Variants in SLC4A10 observed in about 807,000 individuals in gnomAD.
The protein encoded by SLC4A10 is solute carrier family 4 member 10.
In SLC4A10, 42 loss-of-function variants were observed where a neutral mutation model predicts 137.7. The observed-to-expected ratio is 0.30, with a 90% CI of 0.24 to 0.39. SLC4A10 has a LOEUF of 0.39. Among genes scored for constraint, SLC4A10 ranks in the 10% least tolerant of loss-of-function variants. The pLI is 1.00. For synonymous variants in SLC4A10, 474 were observed against 464.1 expected, an observed-to-expected ratio of 1.02 and a Z score of -0.27; for missense variants, 925 against 1,355.0, an observed-to-expected ratio of 0.68 and a Z score of 4.98.
At chr2:161,930,904 T>TTTTTGTTTTG (rs370252753) in intron 15 of SLC4A10, among the ~76,000 whole-genome samples, 31,133 of 147,870 alleles carry the variant, frequency 0.21, 3,588 homozygotes, top group Admixed American at 0.31. Context: ...CTGCCACATG[T>TTTTTGTTTTG]TTTTGTTTTG....
intron 1 of SLC4A10, among the ~76,000 whole-genome samples, chr2:161,669,994 G>A (rs571034631): frequency 6.6e-6 from 1 of 152,218 alleles, no homozygotes; most frequent in South Asian, 2.1e-4. Context: ...ATTGCCTACT[G>A]TCTGTGTGTG....
At chr2:161,660,576 C>A (rs374591982) in intron 1 of SLC4A10, among the ~76,000 whole-genome samples, 1 of 127,056 alleles carries the variant, frequency 7.9e-6, no homozygotes, top group Non-Finnish European at 1.8e-5. Flanking sequence ...TTCTTTCTTT[C>A]TTTCTTTCTT....
chr2:161,896,037 A>G (rs1203072929), intron 11 of SLC4A10, among the ~76,000 whole-genome samples: 1 of 151,868 alleles, frequency 6.6e-6, no homozygotes, highest in African/African-American at 2.4e-5. Flanking sequence ...TAGGGTTTTT[A>G]TGGTTTTAGG....
chr2:161,964,438 A>C lies in SLC4A10; in HGVS notation c.3036+130A>C, dbSNP rs1697239477. Reference sequence around the variant, plus strand: ...ATTATTGGAAAATATAAGTTTTGGCACTGAAAGTGTGACTAAGATAGGGTT... The same window carrying C: ...ATTATTGGAAAATATAAGTTTTGGCCCTGAAAGTGTGACTAAGATAGGGTT... On this transcript the variant is annotated intron_variant, in intron 22 of 26. Coordinates refer to ENST00000446997, the MANE Select transcript of SLC4A10 (RefSeq NM_001178015.2). The C allele has an allele frequency of 2.2e-5, 22 of 1,004,546 alleles. No homozygotes were observed. The South Asian group carries it at 3.1e-4, about 14-fold the overall frequency. The allele number at this position is 1,004,546 out of a possible 1,614,324, so 62.2% of individuals were successfully genotyped here. A position where few individuals can be genotyped will look rare whatever the true frequency, so the allele number is the denominator to read the frequency against.
chr2:161,937,997 G>C (rs1044971322), intron 15 of SLC4A10, among the ~76,000 whole-genome samples: 1 of 152,156 alleles, frequency 6.6e-6, no homozygotes, highest in Non-Finnish European at 1.5e-5. Flanking sequence ...ATCAGGCCAG[G>C]TACGGTGGCT....
At chr2:161,742,728 T>C (rs1276506817) in intron 1 of SLC4A10, among the ~76,000 whole-genome samples, 1 of 152,132 alleles carries the variant, frequency 6.6e-6, no homozygotes, top group African/African-American at 2.4e-5. Flanking sequence ...GCATGAACCA[T>C]GGTGCCCAGC....
At chr2:161,783,818 G>A (rs934995782) in intron 2 of SLC4A10, among the ~76,000 whole-genome samples, 2 of 151,562 alleles carry the variant, frequency 1.3e-5, no homozygotes, top group African/African-American at 2.4e-5. Flanking sequence ...CATGAAAAAT[G>A]AGAGCAAGAG....
At chr2:161,901,166 A>C in intron 12 of SLC4A10, 155 bp downstream of exon 12, 1 of 637,702 alleles carries the variant, frequency 1.6e-6, no homozygotes, top group Non-Finnish European at 2.9e-6. Flanking sequence ...CTCTGAAGTT[A>C]CTAATGATTG....
intron 1 of SLC4A10, among the ~76,000 whole-genome samples, chr2:161,654,995 C>A (rs146761135): frequency 6.6e-6 from 1 of 152,074 alleles, no homozygotes; most frequent in Non-Finnish European, 1.5e-5. Flanking sequence ...ATTAAATCTT[C>A]GAATTCATGA....
At chr2:161,712,729 T>C (rs1252063760) in intron 1 of SLC4A10, among the ~76,000 whole-genome samples, 1 of 151,872 alleles carries the variant, frequency 6.6e-6, no homozygotes, top group Non-Finnish European at 1.5e-5. Flanking sequence ...AGTAATATGA[T>C]ATTTGGATTA....
chr2:161,912,108 G>A (rs772814554), intron 15 of SLC4A10, among the ~76,000 whole-genome samples: 2 of 152,020 alleles, frequency 1.3e-5, no homozygotes, highest in Non-Finnish European at 2.9e-5. Context: ...AACAGAATTT[G>A]TGTTTATCTT....
In SLC4A10 at chr2:161,696,070, C is replaced by G. The variant is rs531885339; in HGVS notation, c.48+71504C>G. Reference sequence around the variant, plus strand: ...AATGCTATCCCACCCCACTTCCCCCCACCCCACGACAGGCCCCGTGTGTGA... The same window carrying G: ...AATGCTATCCCACCCCACTTCCCCCGACCCCACGACAGGCCCCGTGTGTGA... On this transcript the variant is annotated intron_variant, in intron 1 of 26. Transcript: ENST00000446997. Among the ~76,000 whole-genome samples, 68 of 151,788 alleles carry G rather than the reference C, an allele frequency of 4.5e-4. 1 individual carries two copies. In the South Asian group the frequency reaches 7.3e-3, roughly 16 times the overall value.
intron 1 of SLC4A10, among the ~76,000 whole-genome samples, chr2:161,649,243 C>T (rs1354923204): frequency 4.6e-5 from 7 of 152,182 alleles, no homozygotes; most frequent in Non-Finnish European, 8.8e-5. Context: ...TTCCTGTAGT[C>T]CCAGCTACTC....
At chr2:161,765,381 C>T (rs542017756) in intron 1 of SLC4A10, among the ~76,000 whole-genome samples, 2 of 151,990 alleles carry the variant, frequency 1.3e-5, no homozygotes, top group Non-Finnish European at 1.5e-5. Context: ...CCAAGATAGG[C>T]GGATCACCTG....
At position 161,794,749 on chromosome 2, in the gene SLC4A10, A is replaced by G. The variant is rs143631665; in HGVS notation, c.131-9700A>G. Among the ~76,000 whole-genome samples, 203 of 152,234 alleles carry G rather than the reference A, an allele frequency of 1.3e-3. 1 individual carries two copies. Among genetic ancestry groups the G allele is most frequent in the African/African-American group, 4.6e-3 (190 of 41,564 alleles). On this transcript the variant is annotated intron_variant, in intron 2 of 26. Transcript: ENST00000446997. ...TCTCCCTTACCCTCCTGCCTCCTCAATAGCCTTAATTTGTAGCATTTTCCA... is the reference window on the plus strand; with the variant it reads ...TCTCCCTTACCCTCCTGCCTCCTCAGTAGCCTTAATTTGTAGCATTTTCCA...
intron 3 of SLC4A10, among the ~76,000 whole-genome samples, chr2:161,816,056 A>G (rs186248606): frequency 2.4e-4 from 36 of 152,162 alleles, no homozygotes; most frequent in Non-Finnish European, 4.4e-5. Flanking sequence ...TTCCACACTC[A>G]GTTTATTTGC....
In SLC4A10 at chr2:161,739,856, C is replaced by T. The variant is rs537514915; in HGVS notation, c.49-31117C>T. Among the ~76,000 whole-genome samples the T allele has an allele frequency of 4.2e-4, 64 of 152,288 alleles. 1 individual carries two copies. The highest frequency in any genetic ancestry group is 1.5e-3 in the African/African-American group (62 of 41,572). On this transcript the variant is annotated intron_variant, in intron 1 of 26. Coordinates refer to ENST00000446997, the MANE Select transcript of SLC4A10 (RefSeq NM_001178015.2). ...CTCAGGTGGCCACCTTAAATTAGCACCTGCTGATAGCTGCTTGACTTTTAA... is the reference window on the plus strand; with the variant it reads ...CTCAGGTGGCCACCTTAAATTAGCATCTGCTGATAGCTGCTTGACTTTTAA...
intron 1 of SLC4A10, among the ~76,000 whole-genome samples, chr2:161,729,581 C>A (rs1208213238): frequency 1.3e-5 from 2 of 151,632 alleles, no homozygotes; most frequent in African/African-American, 2.4e-5. Context: ...GTAATAAATG[C>A]AAAAATGTTT....
chr2:161,696,216 T>C (rs1243688737), intron 1 of SLC4A10, among the ~76,000 whole-genome samples: 1 of 152,158 alleles, frequency 6.6e-6, no homozygotes, highest in Non-Finnish European at 1.5e-5. Flanking sequence ...TCCAGCTTCA[T>C]CTGTGTCCCT....
Sources: allele counts gnomAD v4.1 joint callset (sites outside exome capture counted in the v4.1 genomes callset), GRCh38; gene constraint gnomAD v4.1.1; transcripts MANE v1.5; gene names NCBI Gene and HGNC (gene_info 2026-07-23, HGNC 2026-07-21).